STK11: variants seen among roughly 807,000 people sequenced by gnomAD.
The protein encoded by STK11 is serine/threonine kinase 11, also known as serine/threonine-protein kinase STK11.
Under a neutral mutation model 47.3 loss-of-function variants are expected in STK11, and 8 were observed. That is an observed-to-expected ratio of 0.17 (90% confidence interval 0.10 to 0.31). The LOEUF (loss-of-function observed/expected upper bound fraction) is 0.31, where lower values mean the gene tolerates loss of function less well. Among genes scored for constraint, STK11 ranks in the 10% least tolerant of loss-of-function variants. STK11 has a pLI of 1.00. For missense variants in STK11, 475 were observed against 605.0 expected, an observed-to-expected ratio of 0.79 and a Z score of 2.25; for synonymous variants, 330 against 255.8, an observed-to-expected ratio of 1.29 and a Z score of -2.77.
At chr19:1,225,883 C>T (rs2080817104) in intron 8 of STK11, 1 of 988,834 alleles carries the variant, frequency 1.0e-6, no homozygotes, top group Non-Finnish European at 1.2e-6. Flanking sequence ...GGGTGGGCAG[C>T]CCCAGGCCTG....
intron 3 of STK11, among the ~76,000 whole-genome samples, chr19:1,219,655 T>C (rs1022870872): frequency 2.0e-5 from 3 of 152,150 alleles, no homozygotes; most frequent in Non-Finnish European, 2.9e-5. Flanking sequence ...ACGCCATTCT[T>C]CTGCCTCAGC....
At position 1,220,496 on chromosome 19, in the gene STK11, C is replaced by A. The variant is rs769309428; in HGVS notation, c.588C>A (p.Gly196=). ...GCACCCTCAAAATCTCCGACCTGGG[C>A]GTGGCCGAGGTAGGCACGTGCTAGG... ...TGGTLKISDL[G]VAEALHPFAA... The change falls in exon 4 of 10, where the codon GGC becomes GGA. Residue 196 remains glycine, a synonymous_variant. Coordinates refer to ENST00000326873, the MANE Select transcript of STK11 (RefSeq NM_000455.5). 1 of 1,603,842 alleles carries A rather than the reference C, an allele frequency of 6.2e-7. No individual in the cohort carries two copies. Among genetic ancestry groups the A allele is most frequent in the South Asian group, 1.1e-5 (1 of 89,582 alleles).
Position 1,209,865 on chromosome 19 carries a change from G to A in STK11, c.290+2662G>A, listed in dbSNP as rs74718083. 2.0e-3 allele frequency among the ~76,000 whole-genome samples: 306 copies of A among 152,228 alleles called. 1 individual carries two copies. The highest frequency in any genetic ancestry group is 6.9e-3 in the African/African-American group (287 of 41,546). ...TGCCTGGGAGAACGGGAGGGAACACGGAGGCAGGGAGGCAGAGGGGTTGGC... is the reference window on the plus strand; with the variant it reads ...TGCCTGGGAGAACGGGAGGGAACACAGAGGCAGGGAGGCAGAGGGGTTGGC... On this transcript the variant is annotated intron_variant, in intron 1 of 9. Transcript: ENST00000326873.
chr19:1,215,777 C>G (rs978933719), intron 1 of STK11, among the ~76,000 whole-genome samples: 3 of 152,050 alleles, frequency 2.0e-5, no homozygotes, highest in African/African-American at 7.2e-5. Context: ...TGCTCTGTCA[C>G]CCAGGCTGGA....
chr19:1,225,275 T>C, intron 8 of STK11: 1 of 983,272 alleles, frequency 1.0e-6, no homozygotes, highest in Non-Finnish European at 1.2e-6. Context: ...GTCTTTTTTA[T>C]CTTTTTTTTT....
intron 6 of STK11, 156 bp from the exon 7 acceptor site, chr19:1,221,793 T>A (rs2080786217): frequency 1.3e-6 from 1 of 758,968 alleles, no homozygotes. Context: ...AGGAGTGGAG[T>A]GGCCTCTGTC....
intron 9 of STK11, 147 bp from the exon 10 acceptor site, chr19:1,227,446 G>A: frequency 1.2e-6 from 1 of 824,686 alleles, no homozygotes; most frequent in African/African-American, 1.8e-5. Flanking sequence ...GTGACTCAAG[G>A]GTGGCCTTCC....
In STK11 at chr19:1,207,046, C is replaced by T. The variant is rs1568690121; in HGVS notation, c.133C>T (p.Leu45Phe). 6.2e-7 allele frequency: 1 copy of T among 1,613,846 alleles called. No homozygotes were observed. The highest frequency in any genetic ancestry group is 1.3e-5 in the African/African-American group (1 of 75,014). The change falls in exon 1 of 10, where the codon CTC (leucine) becomes TTC (phenylalanine). Residue 45 changes from leucine to phenylalanine, a missense_variant. Physicochemically the swap from Leu to Phe is conservative, Grantham distance 22. Coordinates refer to ENST00000326873, the MANE Select transcript of STK11 (RefSeq NM_000455.5). ...IYQPRRKRAK[L>F]IGKYLMGDLL... The stretch of plus-strand genomic sequence containing the variant: ...CCAGCCGCGCCGCAAGCGGGCCAAG[C>T]TCATCGGCAAGTACCTGATGGGGGA...
chr19:1,213,075 C>T (rs2080722652), intron 1 of STK11, among the ~76,000 whole-genome samples: 1 of 145,336 alleles, frequency 6.9e-6, no homozygotes. Flanking sequence ...TGGCTCACTG[C>T]AAGCTCTGCC....
intron 1 of STK11, among the ~76,000 whole-genome samples, chr19:1,216,097 C>T (rs187382912): frequency 1.4e-3 from 206 of 150,666 alleles, no homozygotes; most frequent in African/African-American, 4.8e-3. Context: ...AAAAAAAAAA[C>T]TATGGAGATG....
At chr19:1,225,345 T>G in intron 8 of STK11, 1 of 939,280 alleles carries the variant, frequency 1.1e-6, no homozygotes, top group Non-Finnish European at 1.3e-6. Context: ...CGATCTCGGC[T>G]CACTGCAACC....
At chr19:1,214,119 G>A (rs1298107907) in intron 1 of STK11, among the ~76,000 whole-genome samples, 2 of 152,244 alleles carry the variant, frequency 1.3e-5, no homozygotes, top group Non-Finnish European at 2.9e-5. Context: ...CCCTCCTGGA[G>A]GCTCTTCCTG....
In STK11 at chr19:1,221,954, C is replaced by A. The variant is rs2145428630; in HGVS notation, c.868C>A (p.Leu290Ile). The change falls in exon 7 of 10, where the codon CTT becomes ATT. Residue 290 changes from leucine (L) to isoleucine (I), a missense_variant. Leu to Ile is a conservative substitution (Grantham distance 5). This residue lies in a region of STK11 where 130 missense variants were observed against 239.7 expected (regional missense o/e 0.54). Coordinates refer to ENST00000326873, the MANE Select transcript of STK11 (RefSeq NM_000455.5). ...CCTCGCCGGCTTCTCCTCAGGGATG[C>A]TTGAGTACGAACCGGCCAAGAGGTT... ...PPLSDLLKGM[L>I]EYEPAKRFSI... is the part of the protein sequence containing the mutation. 1.3e-6 allele frequency: 2 copies of A among 1,559,138 alleles called. No homozygotes were observed. The highest frequency in any genetic ancestry group is 1.7e-6 in the Non-Finnish European group (2 of 1,152,226).
At chr19:1,221,403 G>A (rs2145427554) in intron 6 of STK11, 63 bp downstream of exon 6, 1 of 1,509,922 alleles carries the variant, frequency 6.6e-7, no homozygotes, top group East Asian at 2.4e-5. Flanking sequence ...AGAAATGTAG[G>A]GTTGGGGGTG....
At chr19:1,210,420 C>G (rs1193872856) in intron 1 of STK11, among the ~76,000 whole-genome samples, 1 of 152,208 alleles carries the variant, frequency 6.6e-6, no homozygotes, top group Non-Finnish European at 1.5e-5. Context: ...TGGGCGATCA[C>G]CAAGGGGGGT....
intron 8 of STK11, chr19:1,224,360 C>A: frequency 1.0e-6 from 1 of 985,356 alleles, no homozygotes; most frequent in African/African-American, 1.7e-5. Flanking sequence ...GGAGGTGCTG[C>A]TGGGTACCCT....
intron 1 of STK11, among the ~76,000 whole-genome samples, chr19:1,214,230 A>C (rs2080730487): frequency 6.6e-6 from 1 of 152,078 alleles, no homozygotes; most frequent in African/African-American, 2.4e-5. Flanking sequence ...GCTGATGTGC[A>C]CCCATCATCC....
intron 8 of STK11, chr19:1,225,846 A>G (rs1227915253): frequency 1.0e-6 from 1 of 986,026 alleles, no homozygotes; most frequent in Non-Finnish European, 1.2e-6. Flanking sequence ...TTCCCCTGCC[A>G]TTGTGAGAAC....
intron 8 of STK11, chr19:1,223,586 C>A: frequency 9.2e-7 from 1 of 1,081,958 alleles, no homozygotes; most frequent in East Asian, 5.2e-5. Flanking sequence ...TCCCTCCCGT[C>A]GTCCCTGAGG....
Sources: gnomAD v4.1 joint callset for allele counts (sites outside exome capture counted in the v4.1 genomes callset) on GRCh38, gnomAD v4.1.1 for gene constraint, gnomAD v4.1.1 regional missense constraint, MANE v1.5 for transcripts, NCBI Gene and HGNC (gene_info 2026-07-23, HGNC 2026-07-21) for gene names.